The following ERGIC1 variants were observed in gnomAD, a reference collection of about 807,000 sequenced individuals.
ERGIC1 encodes endoplasmic reticulum-Golgi intermediate compartment protein 1.
Under a neutral mutation model 38.3 loss-of-function variants are expected in ERGIC1, and 19 were observed. The observed-to-expected ratio is 0.50, with a 90% CI of 0.35 to 0.73. ERGIC1 has a LOEUF of 0.73. ERGIC1 is among the 30% of genes least tolerant of loss of function. The pLI, the probability that ERGIC1 is intolerant of heterozygous loss-of-function variation, is 0.01. For missense variants in ERGIC1, 294 were observed against 389.2 expected, an observed-to-expected ratio of 0.76 and a Z score of 2.06; for synonymous variants, 124 against 157.6, an observed-to-expected ratio of 0.79 and a Z score of 1.60.
intron 8 of ERGIC1, chr5:172,933,042 G>A (rs1763812497): frequency 6.4e-6 from 1 of 156,230 alleles, no homozygotes; most frequent in South Asian, 1.8e-4. Context: ...CCAGGCCTTA[G>A]TGGGCAGCAG....
intron 3 of ERGIC1, among the ~76,000 whole-genome samples, chr5:172,899,890 G>A (rs947441456): frequency 3.3e-5 from 5 of 152,200 alleles, no homozygotes; most frequent in African/African-American, 7.2e-5. Context: ...AATATAGTGC[G>A]GCTATACTTT....
chr5:172,834,587 C>G lies in ERGIC1; in HGVS notation c.20+154C>G, dbSNP rs556360557. Among the ~76,000 whole-genome samples, 122 of 133,050 alleles carry G rather than the reference C, an allele frequency of 9.2e-4. 2 individuals carry two copies. Among genetic ancestry groups the G allele is most frequent in the Admixed American group, 2.3e-3 (31 of 13,206 alleles). 87.3% of individuals were successfully genotyped at this position (133,050 alleles called of 152,430 possible). A position where few individuals can be genotyped will look rare whatever the true frequency, so the allele number is the denominator to read the frequency against. ...CCTAGGGACCCCAGGCGAGCCCCCC[C>G]CCTGCCGCACACGAAGCCAGCCAGA... is the stretch of plus-strand genomic sequence containing the variant. On this transcript the variant is annotated intron_variant, in intron 1 of 9. Transcript: ENST00000393784. This position sits in a 1 kb window ranked among gnomAD's most constrained non-coding sequence, Gnocchi z 4.1.
At chr5:172,941,495 G>A (rs560285899) in intron 9 of ERGIC1, among the ~76,000 whole-genome samples, 226 of 152,094 alleles carry the variant, frequency 1.5e-3, no homozygotes, top group Non-Finnish European at 2.6e-3. Context: ...GGCAAGGCTC[G>A]GACCTGACCC....
chr5:172,939,994 G>A (rs1253307760), intron 9 of ERGIC1, among the ~76,000 whole-genome samples: 1 of 152,242 alleles, frequency 6.6e-6, no homozygotes, highest in African/African-American at 2.4e-5. Context: ...TGCGTGCAAA[G>A]CCCCTAAACG....
intron 6 of ERGIC1, among the ~76,000 whole-genome samples, chr5:172,925,267 T>C (rs1388287618): frequency 6.6e-6 from 1 of 151,792 alleles, no homozygotes; most frequent in Non-Finnish European, 1.5e-5. Context: ...TAAAAATAAA[T>C]GGTACAAATA....
At position 172,834,450 on chromosome 5, in the gene ERGIC1, C is replaced by T. The variant is rs1244422586; in HGVS notation, c.20+17C>T. The T allele has an allele frequency of 1.5e-6, 2 of 1,322,546 alleles. No individual in the cohort carries two copies. The highest frequency in any genetic ancestry group is 1.9e-6 in the Non-Finnish European group (2 of 1,032,212). 81.9% of individuals were successfully genotyped at this position (1,322,546 alleles called of 1,614,324 possible). A position where few individuals can be genotyped will look rare whatever the true frequency, so the allele number is the denominator to read the frequency against. The stretch of plus-strand genomic sequence containing the variant: ...CTTCAGGAGGTGAGTGTGGCGACCC[C>T]GGCCAGTCGGGAGTTCCCTCAGCGG... On this transcript the variant is annotated intron_variant, in intron 1 of 9. Coordinates refer to ENST00000393784, the MANE Select transcript of ERGIC1 (RefSeq NM_001031711.3). The surrounding 1 kb of genome is among the most constrained non-coding windows in gnomAD (Gnocchi z 4.1).
intron 6 of ERGIC1, among the ~76,000 whole-genome samples, chr5:172,925,911 A>G (rs909514106): frequency 6.6e-6 from 1 of 151,750 alleles, no homozygotes; most frequent in Non-Finnish European, 1.5e-5. Flanking sequence ...TTTCAGCCCT[A>G]CTCTACAGCA....
At chr5:172,861,408 T>TGTCC (rs1761695851) in intron 1 of ERGIC1, among the ~76,000 whole-genome samples, 1 of 152,224 alleles carries the variant, frequency 6.6e-6, no homozygotes, top group African/African-American at 2.4e-5. Context: ...GTTTATTATC[T>TGTCC]GTCCCCTCCA....
At chr5:172,899,892 C>T (rs1762827696) in intron 3 of ERGIC1, among the ~76,000 whole-genome samples, 1 of 152,208 alleles carries the variant, frequency 6.6e-6, no homozygotes, top group Non-Finnish European at 1.5e-5. Flanking sequence ...TATAGTGCGG[C>T]TATACTTTAA....
At position 172,950,892 on chromosome 5, in the gene ERGIC1, T is replaced by G; in HGVS notation, c.*76T>G. 1 of 1,312,232 alleles carries G rather than the reference T, an allele frequency of 7.6e-7. No individual in the cohort carries two copies. The highest frequency in any genetic ancestry group is 1.1e-6 in the Non-Finnish European group (1 of 951,470). The allele number at this position is 1,312,232 out of a possible 1,614,324, so 81.3% of individuals were successfully genotyped here. ...TCCAGTGCCCTGTCTCCTTTGGCCC[T>G]CAATCTGGTCCCAAATCTGGCTGTG... On this transcript the variant is annotated 3_prime_UTR_variant, in exon 10 of 10. Coordinates refer to ENST00000393784, the MANE Select transcript of ERGIC1 (RefSeq NM_001031711.3).
chr5:172,941,236 A>G (rs1054409356), intron 9 of ERGIC1, among the ~76,000 whole-genome samples: 1 of 152,018 alleles, frequency 6.6e-6, no homozygotes, highest in Non-Finnish European at 1.5e-5. Context: ...ACTGCACTCC[A>G]GCTCTGTCTC....
At chr5:172,862,765 C>T (rs1761749250) in intron 1 of ERGIC1, among the ~76,000 whole-genome samples, 1 of 152,184 alleles carries the variant, frequency 6.6e-6, no homozygotes, top group African/African-American at 2.4e-5. Context: ...CTGTTATATG[C>T]TTTGTATTTT....
At chr5:172,855,288 G>C (rs1761518011) in intron 1 of ERGIC1, among the ~76,000 whole-genome samples, 3 of 152,192 alleles carry the variant, frequency 2.0e-5, no homozygotes, top group African/African-American at 7.2e-5. Flanking sequence ...TCTGGACCCA[G>C]CAAACATGGC....
At chr5:172,867,244 C>T in intron 1 of ERGIC1, 1 of 452,226 alleles carries the variant, frequency 2.2e-6, no homozygotes, top group South Asian at 1.6e-5. Context: ...GCATCACTGA[C>T]ACTGCATGGT....
In ERGIC1 at chr5:172,909,676, G is replaced by A. The variant is rs1434006481; in HGVS notation, c.165G>A (p.Glu55=). The A allele has an allele frequency of 6.2e-7, 1 of 1,614,196 alleles. No individual in the cohort carries two copies. The highest frequency in any genetic ancestry group is 2.2e-5 in the East Asian group (1 of 44,878). Residue 55 remains glutamate, a synonymous_variant, in exon 4 of 10, where the codon GAG becomes GAA. Coordinates refer to ENST00000393784, the MANE Select transcript of ERGIC1 (RefSeq NM_001031711.3). ...CTTGTCTTTCCCCTAGTGTGAACGA[G>A]CTCTATGTCGATGACCCAGACAAGG... ...TGFITTEVVN[E]LYVDDPDKDS... is the part of the protein sequence containing the mutation.
intron 4 of ERGIC1, 93 bp downstream of exon 4, chr5:172,909,854 A>C: frequency 1.8e-6 from 2 of 1,116,248 alleles, no homozygotes; most frequent in South Asian, 2.5e-5. Context: ...GGACAAGCCA[A>C]GCCAACATAT....
In ERGIC1 at chr5:172,932,473, C is replaced by T; in HGVS notation, c.579C>T (p.Pro193=). 1 of 1,614,180 alleles carries T rather than the reference C, an allele frequency of 6.2e-7. No homozygotes were observed. Among genetic ancestry groups the T allele is most frequent in the South Asian group, 1.1e-5 (1 of 91,080 alleles). ...ACGACTACATCCTGAAGATTGTGCC[C>T]ACGGTTTATGAGGACAAGAGTGGCA... is the stretch of plus-strand genomic sequence containing the variant. ...ASHDYILKIV[P]TVYEDKSGKQ... The change falls in exon 8 of 10, where the codon CCC becomes CCT. Residue 193 remains proline (P), a synonymous_variant. Transcript: ENST00000393784.
At chr5:172,888,824 G>T (rs1032602592) in intron 2 of ERGIC1, 64 bp downstream of exon 2, 1 of 1,414,440 alleles carries the variant, frequency 7.1e-7, no homozygotes, top group Admixed American at 1.7e-5. Context: ...TGCTCTCTCT[G>T]TGCAGATCAT....
chr5:172,892,066 T>TGTTTTGTTA (rs1428801118), intron 2 of ERGIC1, among the ~76,000 whole-genome samples: 1 of 142,228 alleles, frequency 7.0e-6, no homozygotes, highest in East Asian at 2.0e-4. Context: ...GAGTATGTTT[T>TGTTTTGTTA]TTTTTTTTTT....
Sources: gnomAD v4.1 joint callset for allele counts (sites outside exome capture counted in the v4.1 genomes callset) on GRCh38, gnomAD v4.1.1 for gene constraint, Gnocchi (gnomAD v3.1) non-coding constraint, MANE v1.5 for transcripts, NCBI Gene and HGNC (gene_info 2026-07-23, HGNC 2026-07-21) for gene names.